Variants in CEP85L observed in about 807,000 individuals in gnomAD.
The protein encoded by CEP85L is centrosomal protein 85L, also known as centrosomal protein of 85 kDa-like.
CEP85L carries 60 observed loss-of-function variants against 100.3 expected under a neutral mutation model. That is an observed-to-expected ratio of 0.60 (90% CI 0.49 to 0.74). CEP85L has a LOEUF of 0.74. Ranked by LOEUF, CEP85L falls within the 30% of genes least tolerant of loss-of-function variation. CEP85L has a pLI of 0.00. For synonymous variants in CEP85L, 319 were observed against 322.7 expected (o/e 0.99, Z 0.12); for missense variants, 973 against 936.2 (o/e 1.04, Z -0.51).
At chr6:118,554,271 A>G (rs745411463) in intron 3 of CEP85L, among the ~76,000 whole-genome samples, 35 of 152,146 alleles carry the variant, frequency 2.3e-4, no homozygotes, top group Non-Finnish European at 4.6e-4. Flanking sequence ...TGGGTGACAG[A>G]GCAAGACCCT....
chr6:118,680,135 A>T (rs1776602666), intron 1 of CEP85L, among the ~76,000 whole-genome samples: 1 of 151,918 alleles, frequency 6.6e-6, no homozygotes, highest in African/African-American at 2.4e-5. Context: ...CCAAAAAAAA[A>T]TTTAAAAGTA....
chr6:118,681,928 A>G (rs1240770557), intron 1 of CEP85L, among the ~76,000 whole-genome samples: 3 of 151,800 alleles, frequency 2.0e-5, no homozygotes, highest in Non-Finnish European at 4.4e-5. Context: ...TTTAGTAGAG[A>G]CGGGGTTTCG....
intron 4 of CEP85L, among the ~76,000 whole-genome samples, chr6:118,517,293 GC>G (rs1381501726): frequency 6.6e-6 from 1 of 152,202 alleles, no homozygotes; most frequent in African/African-American, 2.4e-5. Flanking sequence ...GTCAATGGCA[GC>G]TTGATGGGGA....
chr6:118,512,317 A>C (rs1776017112), intron 4 of CEP85L, among the ~76,000 whole-genome samples: 1 of 151,916 alleles, frequency 6.6e-6, no homozygotes, highest in Non-Finnish European at 1.5e-5. Context: ...ATACTAATTA[A>C]TACAGGCATG....
In CEP85L at chr6:118,651,524, C is replaced by T; in HGVS notation, c.-255G>A. On this transcript the variant is annotated 5_prime_UTR_variant, in exon 1 of 13. Transcript: ENST00000368491. ...CGGGGAAGCGGCGACTCGGCGGTGACGGCTGCTAGATCCCCGGCTGAGCCC... is the reference window on the plus strand; with the variant it reads ...CGGGGAAGCGGCGACTCGGCGGTGATGGCTGCTAGATCCCCGGCTGAGCCC... 2 of 1,270,740 alleles carry T rather than the reference C, an allele frequency of 1.6e-6. No individual in the cohort carries two copies. Among genetic ancestry groups the T allele is most frequent in the South Asian group, 5.1e-5 (2 of 39,546 alleles). 78.7% of individuals were successfully genotyped at this position (1,270,740 alleles called of 1,614,324 possible).
rs139985709 is a variant in CEP85L at position 118,471,533 on chromosome 6, T to A, written c.1915-889A>T. On this transcript the variant is annotated intron_variant, in intron 10 of 12. Transcript: ENST00000368491. ...TAAAGATATTTTCCTCACATTATCT[T>A]TGGATGGAGTAAAAAAAGATAGCTA... is the stretch of plus-strand genomic sequence containing the variant. Among the ~76,000 whole-genome samples, 563 of 152,048 alleles carry A rather than the reference T, an allele frequency of 3.7e-3. 3 individuals are homozygous for A. Among genetic ancestry groups the A allele is most frequent in the African/African-American group, 0.013 (537 of 41,544 alleles).
At chr6:118,610,751 T>A (rs1027164156) in intron 2 of CEP85L, among the ~76,000 whole-genome samples, 10 of 151,622 alleles carry the variant, frequency 6.6e-5, no homozygotes, top group Admixed American at 3.9e-4. Flanking sequence ...AAAAAAAATA[T>A]TGAAATCAGC....
chr6:118,501,903 T>G (rs1228217840), intron 5 of CEP85L: 2 of 1,153,252 alleles, frequency 1.7e-6, no homozygotes, highest in Non-Finnish European at 2.5e-6. Context: ...GACAAAGATA[T>G]GCTTTTAAGT....
At chr6:118,597,132 T>C (rs1404946906) in intron 2 of CEP85L, among the ~76,000 whole-genome samples, 2 of 152,196 alleles carry the variant, frequency 1.3e-5, no homozygotes, top group Non-Finnish European at 2.9e-5. Context: ...CTAAGTTTCC[T>C]AAGGCCTCCC....
rs532192729 is a variant in CEP85L, at chr6:118,632,628, G to A, written c.74-17C>T. The A allele has an allele frequency of 1.9e-6, 3 of 1,601,482 alleles. No individual in the cohort carries two copies. Among genetic ancestry groups the A allele is most frequent in the African/African-American group, 2.7e-5 (2 of 74,614 alleles). On this transcript the variant is annotated splice_polypyrimidine_tract_variant and intron_variant, in intron 1 of 12. Transcript: ENST00000368491. Reference sequence around the variant, plus strand: ...AATCTGGGCCTAAAAAGGGAAATATGTAACAGTTAACACATATATCTGAGT... The same window carrying A: ...AATCTGGGCCTAAAAAGGGAAATATATAACAGTTAACACATATATCTGAGT...
At chr6:118,684,023 G>T (rs1166263926) in intron 1 of CEP85L, among the ~76,000 whole-genome samples, 2 of 152,104 alleles carry the variant, frequency 1.3e-5, no homozygotes, top group Non-Finnish European at 2.9e-5. Flanking sequence ...TCTTTGTTTG[G>T]TTTTCCCCAA....
chr6:118,640,997 A>C (rs1012727715), intron 1 of CEP85L, among the ~76,000 whole-genome samples: 1 of 152,208 alleles, frequency 6.6e-6, no homozygotes, highest in Non-Finnish European at 1.5e-5. Flanking sequence ...CTTCACTTTA[A>C]GCTTTTCTGT....
chr6:118,506,366 A>T lies in CEP85L; in HGVS notation c.1257+4932T>A, dbSNP rs998254238. Reference sequence around the variant, plus strand: ...AGATGATATAGGTGGACTCTGTGATATAGGGCTTGCCGTGCAGGTGGAGTA... The same window carrying T: ...AGATGATATAGGTGGACTCTGTGATTTAGGGCTTGCCGTGCAGGTGGAGTA... On this transcript the variant is annotated intron_variant, in intron 5 of 12. Coordinates refer to ENST00000368491, the MANE Select transcript of CEP85L (RefSeq NM_001042475.3). Among the ~76,000 whole-genome samples, 3 of 152,264 alleles carry T rather than the reference A, an allele frequency of 2.0e-5. No individual in the cohort carries two copies. The East Asian group carries it at 5.8e-4, about 29-fold the overall frequency.
intron 6 of CEP85L, among the ~76,000 whole-genome samples, chr6:118,490,724 T>G (rs1366484113): frequency 1.3e-5 from 2 of 152,202 alleles, no homozygotes; most frequent in African/African-American, 4.8e-5. Context: ...ATAGATACAC[T>G]GTAGTATATC....
intron 1 of CEP85L, among the ~76,000 whole-genome samples, chr6:118,649,917 TAA>T (rs1354421274): frequency 1.3e-5 from 2 of 152,212 alleles, no homozygotes; most frequent in Non-Finnish European, 2.9e-5. Context: ...TATGTCTTTT[TAA>T]AAACCACACA....
intron 1 of CEP85L, among the ~76,000 whole-genome samples, chr6:118,672,788 A>AAGG (rs35451037): frequency 0.088 from 11,061 of 125,520 alleles, 669 homozygotes; most frequent in African/African-American, 0.16. Context: ...AAGAAAGAAG[A>AAGG]AGGAGGAGGA....
intron 3 of CEP85L, among the ~76,000 whole-genome samples, chr6:118,536,611 G>T (rs1272949041): frequency 6.6e-6 from 1 of 152,168 alleles, no homozygotes; most frequent in Non-Finnish European, 1.5e-5. Context: ...AGAATGCACT[G>T]TCGTGGCTGT....
intron 2 of CEP85L, among the ~76,000 whole-genome samples, chr6:118,590,077 G>A (rs937430614): frequency 1.3e-5 from 2 of 150,732 alleles, no homozygotes; most frequent in East Asian, 3.9e-4. Flanking sequence ...ACATACACAC[G>A]TGGAATACCA....
At chr6:118,667,310 A>AT (rs1554242508) in intron 1 of CEP85L, among the ~76,000 whole-genome samples, 18 of 152,148 alleles carry the variant, frequency 1.2e-4, no homozygotes, top group South Asian at 4.2e-4. Context: ...ACTTGCTTTG[A>AT]TTTTTTTTAC....
Sources: gnomAD v4.1 joint callset for allele counts (sites outside exome capture counted in the v4.1 genomes callset) on GRCh38, gnomAD v4.1.1 for gene constraint, MANE v1.5 for transcripts, NCBI Gene and HGNC (gene_info 2026-07-23, HGNC 2026-07-21) for gene names.